SAMTOR: variants seen among roughly 807,000 people sequenced by gnomAD.
SAMTOR encodes the protein UPF0532 protein C7orf60.
At chr7:112,853,734 T>G in the SAMTOR span, among the ~76,000 whole-genome samples, 1 of 152,154 alleles carries the variant, frequency 6.6e-6, no homozygotes, top group Non-Finnish European at 1.5e-5. Flanking sequence ...GAGATAACAG[T>G]AGGCTATAAC....
the SAMTOR span, among the ~76,000 whole-genome samples, chr7:112,866,577 T>C: frequency 6.6e-6 from 1 of 152,214 alleles, no homozygotes; most frequent in Non-Finnish European, 1.5e-5. Context: ...TGCCTGCGGC[T>C]ACACAGCAGT....
the SAMTOR span, among the ~76,000 whole-genome samples, chr7:112,858,136 G>C: frequency 6.6e-6 from 1 of 152,070 alleles, no homozygotes; most frequent in Non-Finnish European, 1.5e-5. Context: ...CCTTGGATGT[G>C]GCTAACTTGT....
the SAMTOR span, among the ~76,000 whole-genome samples, chr7:112,832,039 T>G: frequency 3.4e-5 from 5 of 148,610 alleles, no homozygotes; most frequent in Non-Finnish European, 1.5e-5. Flanking sequence ...TTAGACGGAG[T>G]CTCACTGTGT....
chr7:112,877,543 T>C, the SAMTOR span, among the ~76,000 whole-genome samples: 1,622 of 152,242 alleles, frequency 0.011, 30 homozygotes, highest in African/African-American at 0.037. Flanking sequence ...CATAAATAAT[T>C]TCTGTAAAAG....
At chr7:112,831,379 G>A in the SAMTOR span, among the ~76,000 whole-genome samples, 1 of 152,222 alleles carries the variant, frequency 6.6e-6, no homozygotes, top group Admixed American at 6.5e-5. Flanking sequence ...CAAGGTGGCT[G>A]GGTGCAGTAG....
At chr7:112,890,692 C>CTT in the SAMTOR span, among the ~76,000 whole-genome samples, 12 of 144,036 alleles carry the variant, frequency 8.3e-5, no homozygotes, top group African/African-American at 3.0e-4. Context: ...TATATGAATA[C>CTT]TTTTTTTTTT....
chr7:112,879,397 A>T, the SAMTOR span, among the ~76,000 whole-genome samples: 1 of 152,072 alleles, frequency 6.6e-6, no homozygotes. Context: ...TTATGAAACA[A>T]GTAGATGGAC....
At chr7:112,885,875 A>G in the SAMTOR span, among the ~76,000 whole-genome samples, 2 of 152,194 alleles carry the variant, frequency 1.3e-5, no homozygotes, top group Non-Finnish European at 1.5e-5. Context: ...AATTTACTGT[A>G]TTAGTCCATT....
chr7:112,834,410 T>C, the SAMTOR span, among the ~76,000 whole-genome samples: 4 of 152,100 alleles, frequency 2.6e-5, no homozygotes, highest in Non-Finnish European at 5.9e-5. Flanking sequence ...TCATTTTTTA[T>C]TGTTGGTTAC....
chr7:112,929,197 G>A, the SAMTOR span, among the ~76,000 whole-genome samples: 67 of 151,172 alleles, frequency 4.4e-4, no homozygotes, highest in Non-Finnish European at 4.3e-4. Context: ...CCTGATAAGG[G>A]GTTAATATCC....
the SAMTOR span, among the ~76,000 whole-genome samples, chr7:112,884,483 C>A: frequency 6.6e-6 from 1 of 152,170 alleles, no homozygotes; most frequent in Non-Finnish European, 1.5e-5. Flanking sequence ...GGTAAATACA[C>A]CCATTCCAAA....
At chr7:112,858,236 C>T in the SAMTOR span, among the ~76,000 whole-genome samples, 2 of 151,772 alleles carry the variant, frequency 1.3e-5, no homozygotes, top group African/African-American at 4.8e-5. Context: ...ATGAAACATT[C>T]ATAGTCTTTG....
the SAMTOR span, among the ~76,000 whole-genome samples, chr7:112,924,002 T>C: frequency 6.8e-6 from 1 of 146,640 alleles, no homozygotes; most frequent in African/African-American, 2.6e-5. Flanking sequence ...ATGAGAACAC[T>C]TGGACACAGG....
chr7:112,914,579 C>T, the SAMTOR span, among the ~76,000 whole-genome samples: 2 of 151,962 alleles, frequency 1.3e-5, no homozygotes, highest in East Asian at 3.8e-4. Context: ...CTGGAATACC[C>T]TGAACCGTAC....
the SAMTOR span, among the ~76,000 whole-genome samples, chr7:112,896,018 G>A: frequency 6.6e-6 from 1 of 152,004 alleles, no homozygotes; most frequent in African/African-American, 2.4e-5. Flanking sequence ...AACTTCTCTC[G>A]ACTAAAACTT....
At chr7:112,915,174 G>C in the SAMTOR span, 2 of 734,670 alleles carry the variant, frequency 2.7e-6, no homozygotes, top group African/African-American at 3.7e-5. Context: ...GGAGGTGGAG[G>C]TTGCAGTGAG....
At chr7:112,909,588 C>T in the SAMTOR span, among the ~76,000 whole-genome samples, 4 of 151,936 alleles carry the variant, frequency 2.6e-5, no homozygotes, top group Non-Finnish European at 5.9e-5. Flanking sequence ...GTTCTAAAGA[C>T]AAAAGAACTG....
At chr7:112,865,604 T>TCATATATATACATATATTC in the SAMTOR span, among the ~76,000 whole-genome samples, 2 of 147,704 alleles carry the variant, frequency 1.4e-5, no homozygotes. Context: ...TATATATATT[T>TCATATATATACATATATTC]CATATATATA....
the SAMTOR span, among the ~76,000 whole-genome samples, chr7:112,921,134 A>T: frequency 6.6e-6 from 1 of 152,160 alleles, no homozygotes; most frequent in South Asian, 2.1e-4. Flanking sequence ...AGCCCGCATC[A>T]CCAAGTCAAC....
Sources: gnomAD v4.1 joint callset for allele counts (sites outside exome capture counted in the v4.1 genomes callset) on GRCh38, gnomAD v4.1.1 for gene constraint, MANE v1.5 for transcripts, NCBI Gene and HGNC (gene_info 2026-07-23, HGNC 2026-07-21) for gene names.